MAP7: variants seen among roughly 807,000 people sequenced by gnomAD.
MAP7 encodes ensconsin.
MAP7 carries 52 observed loss-of-function variants against 94.8 expected under a neutral mutation model. The ratio of observed to expected loss-of-function variants is 0.55; its 90% CI spans 0.44 to 0.69. The LOEUF is 0.69. Ranked by LOEUF, MAP7 falls within the 30% of genes least tolerant of loss-of-function variation. MAP7 has a pLI of 0.00. For synonymous variants in MAP7, 350 were observed against 357.0 expected (o/e 0.98, Z 0.22); for missense variants, 940 against 964.6 (o/e 0.97, Z 0.34).
At chr6:136,503,875 T>C (rs944787171) in intron 1 of MAP7, among the ~76,000 whole-genome samples, 1 of 152,194 alleles carries the variant, frequency 6.6e-6, no homozygotes, top group South Asian at 2.1e-4. Context: ...TCTAGGAATA[T>C]ATATTTGCAT....
At chr6:136,399,076 A>G (rs1018922599) in intron 3 of MAP7, among the ~76,000 whole-genome samples, 10 of 152,346 alleles carry the variant, frequency 6.6e-5, no homozygotes, top group Middle Eastern at 3.4e-3. Context: ...ATACTAAGAT[A>G]TAGAAGGATT....
chr6:136,355,632 G>A (rs973145136), intron 16 of MAP7, among the ~76,000 whole-genome samples: 4 of 152,012 alleles, frequency 2.6e-5, no homozygotes, highest in Admixed American at 2.6e-4. Flanking sequence ...TACTTATCCT[G>A]GCCAAAAGCC....
intron 1 of MAP7, among the ~76,000 whole-genome samples, chr6:136,517,906 G>C (rs1825331776): frequency 6.6e-6 from 1 of 152,122 alleles, no homozygotes. Context: ...GGTTTGTAAG[G>C]GGGTAACTTC....
At chr6:136,443,912 G>A (rs145238628) in intron 1 of MAP7, among the ~76,000 whole-genome samples, 221 of 152,228 alleles carry the variant, frequency 1.5e-3, no homozygotes, top group African/African-American at 5.1e-3. Flanking sequence ...GTGGGAGCAG[G>A]GCCTTGCTTC....
At chr6:136,458,257 T>C (rs1316387921) in intron 1 of MAP7, among the ~76,000 whole-genome samples, 2 of 152,012 alleles carry the variant, frequency 1.3e-5, no homozygotes, top group African/African-American at 4.8e-5. Context: ...TCATAAAACG[T>C]TGATTAAAGA....
intron 10 of MAP7, 112 bp downstream of exon 10, chr6:136,365,623 T>G: frequency 1.7e-6 from 2 of 1,170,248 alleles, no homozygotes; most frequent in Non-Finnish European, 2.4e-6. Context: ...AACCTTAGAG[T>G]AAAATTTCCA....
At chr6:136,376,375 A>T (rs1776163730) in intron 7 of MAP7, among the ~76,000 whole-genome samples, 1 of 152,262 alleles carries the variant, frequency 6.6e-6, no homozygotes, top group Admixed American at 6.5e-5. Flanking sequence ...CTGGGATTAC[A>T]GGCGTGAGCC....
intron 3 of MAP7, among the ~76,000 whole-genome samples, chr6:136,407,047 T>C (rs1209965139): frequency 6.6e-6 from 1 of 152,226 alleles, no homozygotes; most frequent in Non-Finnish European, 1.5e-5. Context: ...CTGTGCTAAT[T>C]TGTTACTAAA....
intron 1 of MAP7, among the ~76,000 whole-genome samples, chr6:136,491,826 C>A (rs1268779990): frequency 6.6e-6 from 1 of 152,094 alleles, no homozygotes; most frequent in East Asian, 1.9e-4. Flanking sequence ...AGATTCTGAT[C>A]TGAAAGAATG....
In MAP7 at chr6:136,383,651, T is replaced by A. The variant is rs1418255518; in HGVS notation, c.637+20A>T. On this transcript the variant is annotated intron_variant, in intron 6 of 17. Coordinates refer to ENST00000354570, the MANE Select transcript of MAP7 (RefSeq NM_003980.6). The stretch of plus-strand genomic sequence containing the variant: ...ATTAAGTAAATAACAGACACTTTTT[T>A]GTTTTCCTTTGGACTGTACCTCTAT... The A allele has an allele frequency of 7.4e-7, 1 of 1,352,380 alleles. No homozygotes were observed. The highest frequency in any genetic ancestry group is 1.0e-6 in the Non-Finnish European group (1 of 978,596). 83.8% of individuals were successfully genotyped at this position (1,352,380 alleles called of 1,614,324 possible).
chr6:136,519,796 G>A (rs1825871038), intron 1 of MAP7, among the ~76,000 whole-genome samples: 1 of 152,154 alleles, frequency 6.6e-6, no homozygotes, highest in African/African-American at 2.4e-5. Flanking sequence ...TAACAAAAGG[G>A]ACAGAAAGCA....
intron 1 of MAP7, among the ~76,000 whole-genome samples, chr6:136,452,150 A>G (rs1370387472): frequency 6.6e-6 from 1 of 152,128 alleles, no homozygotes; most frequent in Non-Finnish European, 1.5e-5. Context: ...GCCGAGATCA[A>G]GTCACTGAAC....
intron 1 of MAP7, among the ~76,000 whole-genome samples, chr6:136,497,714 G>A (rs1251075671): frequency 2.0e-5 from 3 of 147,644 alleles, no homozygotes; most frequent in East Asian, 2.0e-4. Context: ...CAGGAGAATC[G>A]CTTGAACCCG....
chr6:136,508,371 C>T (rs1435422090), intron 1 of MAP7, among the ~76,000 whole-genome samples: 2 of 152,108 alleles, frequency 1.3e-5, no homozygotes, highest in Admixed American at 1.3e-4. Context: ...TCAGAGACCA[C>T]AGTAACAAAG....
chr6:136,485,800 G>A (rs1814533922), intron 1 of MAP7, among the ~76,000 whole-genome samples: 1 of 151,858 alleles, frequency 6.6e-6, no homozygotes, highest in Non-Finnish European at 1.5e-5. Context: ...CTGACCTCGT[G>A]ATCCGCCCGC....
At chr6:136,516,032 G>C (rs1430582450) in intron 1 of MAP7, among the ~76,000 whole-genome samples, 1 of 152,116 alleles carries the variant, frequency 6.6e-6, no homozygotes, top group East Asian at 1.9e-4. Flanking sequence ...ATTGCTTTCT[G>C]CAAGCTTCGT....
At chr6:136,356,492 C>A (rs1227277402) in intron 16 of MAP7, among the ~76,000 whole-genome samples, 200 bp downstream of exon 16, 1 of 151,802 alleles carries the variant, frequency 6.6e-6, no homozygotes, top group Non-Finnish European at 1.5e-5. Context: ...AACAGTCACA[C>A]TAAATCCTCA....
chr6:136,525,559 G>A (rs1335492070), intron 1 of MAP7, among the ~76,000 whole-genome samples: 1 of 152,174 alleles, frequency 6.6e-6, no homozygotes, highest in Non-Finnish European at 1.5e-5. Context: ...GCTGAAGTGA[G>A]CATGGGAAAA....
chr6:136,466,042 A>C (rs1324751615), intron 1 of MAP7, among the ~76,000 whole-genome samples: 1 of 152,210 alleles, frequency 6.6e-6, no homozygotes, highest in Non-Finnish European at 1.5e-5. Flanking sequence ...TACTCCCCGA[A>C]ATGTAGTCTA....
Sources: gnomAD v4.1 joint callset for allele counts (sites outside exome capture counted in the v4.1 genomes callset) on GRCh38, gnomAD v4.1.1 for gene constraint, MANE v1.5 for transcripts, NCBI Gene and HGNC (gene_info 2026-07-23, HGNC 2026-07-21) for gene names.